The following GDI2 variants were observed in gnomAD, a reference collection of about 807,000 sequenced individuals.
GDI2 encodes rab GDP dissociation inhibitor beta.
In GDI2, 22 loss-of-function variants were observed where a neutral mutation model predicts 54.2. The ratio of observed to expected loss-of-function variants is 0.41; its 90% CI spans 0.29 to 0.58. GDI2 has a LOEUF of 0.58. Ranked by LOEUF, GDI2 falls within the 20% of genes least tolerant of loss-of-function variation. GDI2 has a pLI of 0.35. For synonymous variants in GDI2, 177 were observed against 182.1 expected (o/e 0.97, Z 0.23); for missense variants, 422 against 546.0 (o/e 0.77, Z 2.26).
intron 1 of GDI2, 73 bp downstream of exon 1, chr10:5,813,141 C>T (rs1841512232): frequency 1.1e-6 from 1 of 913,954 alleles, no homozygotes; most frequent in Middle Eastern, 2.9e-4. Context: ...AGCTGCGACC[C>T]GCGGGCCGTG....
intron 4 of GDI2, among the ~76,000 whole-genome samples, chr10:5,788,618 A>G (rs1371052688): frequency 2.0e-5 from 3 of 152,206 alleles, no homozygotes; most frequent in African/African-American, 7.2e-5. Flanking sequence ...AAAAAATCTC[A>G]TGTTTTAAGA....
chr10:5,781,974 G>A (rs1463427918), intron 6 of GDI2, among the ~76,000 whole-genome samples: 2 of 152,200 alleles, frequency 1.3e-5, no homozygotes, highest in Non-Finnish European at 2.9e-5. Flanking sequence ...GATCATGCCA[G>A]TGCAGTCTAG....
intron 6 of GDI2, among the ~76,000 whole-genome samples, chr10:5,780,997 A>AACTATAATTAT (rs1840742047): frequency 6.6e-6 from 1 of 152,154 alleles, no homozygotes; most frequent in Non-Finnish European, 1.5e-5. Context: ...CTTAATATAA[A>AACTATAATTAT]ACTATAATTA....
At chr10:5,787,060 TC>T (rs74936677) in intron 4 of GDI2, among the ~76,000 whole-genome samples, 2 of 151,944 alleles carry the variant, frequency 1.3e-5, no homozygotes, top group African/African-American at 2.4e-5. Context: ...ATCTCCCTTC[TC>T]CCCCCATTCC....
At chr10:5,773,990 C>A in intron 6 of GDI2, 49 bp from the exon 7 acceptor site, 1 of 755,052 alleles carries the variant, frequency 1.3e-6, no homozygotes, top group Non-Finnish European at 2.3e-6. Flanking sequence ...TGTTTCAACT[C>A]CTAAAGTCCC....
Position 5,794,959 on chromosome 10 carries a change from G to A in GDI2, c.314C>T (p.Thr105Ile), listed in dbSNP as rs1841114081. ...ACCCTTATAGACAAAGCTCCCTTCA[G>A]TCACTTTAAAATCCAGATAGCGAGT... ...EVTRYLDFKV[T>I]EGSFVYKGGK... Residue 105 changes from threonine to isoleucine, a missense_variant, in exon 4 of 11, where the codon ACT becomes ATT. Transcript: ENST00000380191. 7 of 1,597,694 alleles carry A rather than the reference G, an allele frequency of 4.4e-6. No individual in the cohort carries two copies. The highest frequency in any genetic ancestry group is 6.0e-6 in the Non-Finnish European group (7 of 1,165,158).
At chr10:5,779,441 G>C (rs1384162866) in intron 6 of GDI2, among the ~76,000 whole-genome samples, 1 of 151,770 alleles carries the variant, frequency 6.6e-6, no homozygotes, top group Non-Finnish European at 1.5e-5. Context: ...CCGGGAGGCA[G>C]AGGTTGCAGT....
intron 1 of GDI2, among the ~76,000 whole-genome samples, chr10:5,805,591 G>A (rs1841360009): frequency 6.6e-6 from 1 of 152,046 alleles, no homozygotes; most frequent in African/African-American, 2.4e-5. Flanking sequence ...ATGTAGCCCA[G>A]CCTTGGCCTT....
intron 4 of GDI2, 115 bp from the exon 5 acceptor site, chr10:5,786,165 A>ATTTTTTTTTTTTTTTTTTTTTTT (rs35328258): frequency 3.0e-6 from 1 of 332,572 alleles, no homozygotes; most frequent in Non-Finnish European, 5.2e-6. Context: ...GCAGGATGCA[A>ATTTTTTTTTTTTTTTTTTTTTTT]TTTTTTTTTT....
chr10:5,813,358 G>A lies in GDI2; in HGVS notation c.-100C>T. 8 of 843,476 alleles carry A rather than the reference G, an allele frequency of 9.5e-6. No homozygotes were observed. The highest frequency in any genetic ancestry group is 9.2e-5 in the South Asian group (6 of 64,892). 52.2% of individuals were successfully genotyped at this position (843,476 alleles called of 1,614,324 possible). The stretch of plus-strand genomic sequence containing the variant: ...GAGGCGCTCTTGGGCGCGAAGGAAA[G>A]GGGAAGAGAAAGAGAGGAAAATGGA... On this transcript the variant is annotated 5_prime_UTR_variant, in exon 1 of 11. Transcript: ENST00000380191.
chr10:5,786,165 ATTTTTTTT>A (rs35328258), intron 4 of GDI2, 115 bp from the exon 5 acceptor site: 12 of 385,996 alleles, frequency 3.1e-5, no homozygotes, highest in South Asian at 1.6e-4. Flanking sequence ...GCAGGATGCA[ATTTTTTTT>A]TTTTTTTTTT....
rs981741448 is a variant in GDI2, at chr10:5,810,325, G to A, written c.45+2889C>T. Among the ~76,000 whole-genome samples the A allele has an allele frequency of 2.0e-5, 3 of 152,220 alleles. 1 individual carries two copies. The South Asian group carries it at 6.2e-4, about 31-fold the overall frequency. On this transcript the variant is annotated intron_variant, in intron 1 of 10. Transcript: ENST00000380191. ...AAACCTCTGGGAAGCACAAACAGCT[G>A]TGGAACTAGTTACTCTTATTGTTTT...
chr10:5,786,158 G>T, intron 4 of GDI2, 108 bp from the exon 5 acceptor site: 1 of 591,388 alleles, frequency 1.7e-6, no homozygotes, highest in Non-Finnish European at 2.9e-6. Flanking sequence ...GCGGAATGCA[G>T]GATGCAATTT....
intron 7 of GDI2, among the ~76,000 whole-genome samples, chr10:5,772,649 C>T (rs1212955337): frequency 2.6e-5 from 4 of 151,938 alleles, no homozygotes; most frequent in East Asian, 3.9e-4. Context: ...TCCAGCTACT[C>T]GGGAGGCTGA....
At chr10:5,811,871 A>T (rs1192355277) in intron 1 of GDI2, 1 of 951,098 alleles carries the variant, frequency 1.1e-6, no homozygotes. Flanking sequence ...ATTCTTCACA[A>T]ACCTTTCCTA....
chr10:5,783,987 T>C (rs1226683230), intron 6 of GDI2, among the ~76,000 whole-genome samples: 2 of 152,190 alleles, frequency 1.3e-5, no homozygotes, highest in Non-Finnish European at 2.9e-5. Flanking sequence ...TCTAGATCTC[T>C]AGCAAGGCCG....
chr10:5,781,272 TAAAAAA>T (rs34473822), intron 6 of GDI2, among the ~76,000 whole-genome samples: 4 of 132,120 alleles, frequency 3.0e-5, no homozygotes, highest in Middle Eastern at 3.6e-3. Context: ...ATAAAACTTC[TAAAAAA>T]AAAAAAAAAA....
chr10:5,790,557 A>G lies in GDI2; in HGVS notation c.388+4328T>C, dbSNP rs530844558. Among the ~76,000 whole-genome samples the G allele has an allele frequency of 2.9e-4, 44 of 152,182 alleles. 1 individual carries two copies. The highest frequency in any genetic ancestry group is 2.0e-4 in the Admixed American group (3 of 15,272). ...ATACTTGGGGAGGCTGAGGCAGGAGAATCGCTTGAACTTGGGAGGTGGAAG... is the reference window on the plus strand; with the variant it reads ...ATACTTGGGGAGGCTGAGGCAGGAGGATCGCTTGAACTTGGGAGGTGGAAG... On this transcript the variant is annotated intron_variant, in intron 4 of 10. Transcript: ENST00000380191.
At chr10:5,808,726 TAC>T (rs111237506) in intron 1 of GDI2, among the ~76,000 whole-genome samples, 2,409 of 138,302 alleles carry the variant, frequency 0.017, 27 homozygotes, top group Middle Eastern at 0.036. Flanking sequence ...AAACTACAAA[TAC>T]ACACACACAC....
Sources: allele counts gnomAD v4.1 joint callset (sites outside exome capture counted in the v4.1 genomes callset), GRCh38; gene constraint gnomAD v4.1.1; transcripts MANE v1.5; gene names NCBI Gene and HGNC (gene_info 2026-07-23, HGNC 2026-07-21).